The following DAOA variants were observed in gnomAD, a reference collection of about 807,000 sequenced individuals.
DAOA encodes D-amino acid oxidase activator.
In DAOA, 15 loss-of-function variants were observed where a neutral mutation model predicts 16.4. That is an observed-to-expected ratio of 0.91 (90% CI 0.61 to 1.41). The LOEUF is 1.41. Ranked by LOEUF, DAOA falls within the 40% of genes most tolerant of loss-of-function variation. The probability of loss-of-function intolerance (pLI) is 0.00; values close to 1 mark genes in which losing one functional copy is unlikely to be tolerated. For synonymous variants in DAOA, 75 were observed against 59.1 expected (o/e 1.27, Z -1.23); for missense variants, 230 against 176.8 (o/e 1.30, Z -1.71).
intron 3 of DAOA, among the ~76,000 whole-genome samples, chr13:105,471,758 A>G (rs1242142729): frequency 1.8e-4 from 1 of 5,504 alleles, no homozygotes; most frequent in East Asian, 0.5. Context: ...TTTTCACTGG[A>G]CACTCCTTTG....
chr13:105,476,178 T>C (rs1222453154), intron 4 of DAOA, among the ~76,000 whole-genome samples: 1 of 152,052 alleles, frequency 6.6e-6, no homozygotes, highest in East Asian at 1.9e-4. Context: ...GGAAAACCAA[T>C]GAGAGAAGAA....
intron 3 of DAOA, among the ~76,000 whole-genome samples, chr13:105,469,972 G>C (rs1298378447): frequency 6.6e-6 from 1 of 151,846 alleles, no homozygotes; most frequent in East Asian, 1.9e-4. Context: ...TTATTTCTTG[G>C]ATGATTTCTT....
At chr13:105,475,176 C>A (rs1877246616) in intron 4 of DAOA, 1 of 349,318 alleles carries the variant, frequency 2.9e-6, no homozygotes, top group Non-Finnish European at 4.0e-6. Context: ...TTAAACCACA[C>A]TCTCATTTAA....
rs1041377976 is a variant in DAOA, at chr13:105,491,032, A to G, written c.*232A>G. On this transcript the variant is annotated 3_prime_UTR_variant, in exon 6 of 6. Coordinates refer to ENST00000375936, the MANE Select transcript of DAOA (RefSeq NM_172370.5). ...TTTATTAAATGTGCTTCAAGTTTTA[A>G]CAACTGACTTTTGTTAGTGATATGA... The G allele has an allele frequency of 2.0e-5, 3 of 152,080 alleles. No homozygotes were observed. Among genetic ancestry groups the G allele is most frequent in the Admixed American group, 2.0e-4 (3 of 15,250 alleles). 9.4% of individuals were successfully genotyped at this position (152,080 alleles called of 1,614,324 possible). A position where few individuals can be genotyped will look rare whatever the true frequency, so the allele number is the denominator to read the frequency against.
In DAOA at chr13:105,471,015, C is replaced by T. The variant is rs181966193; in HGVS notation, c.134-1523C>T. 4.1e-3 allele frequency among the ~76,000 whole-genome samples: 627 copies of T among 152,228 alleles called. 6 individuals are homozygous for T. The highest frequency in any genetic ancestry group is 6.2e-3 in the Non-Finnish European group (425 of 68,006). On this transcript the variant is annotated intron_variant, in intron 3 of 5. Transcript: ENST00000375936. ...GTGTTAGCCATGATGGTCTTGATCT[C>T]CTGACCTTGTGATCCGCCCGCCTCG...
intron 4 of DAOA, among the ~76,000 whole-genome samples, chr13:105,483,029 T>C (rs1258624344): frequency 6.6e-6 from 1 of 152,152 alleles, no homozygotes; most frequent in African/African-American, 2.4e-5. Context: ...CTCTCCTCTT[T>C]TCTTTATCTA....
chr13:105,489,813 G>A (rs1223244208), intron 4 of DAOA, 88 bp from the exon 5 acceptor site: 1 of 1,612,318 alleles, frequency 6.2e-7, no homozygotes, highest in African/African-American at 1.3e-5. Flanking sequence ...TCTAACCAAT[G>A]GAACATGGGA....
At chr13:105,478,110 G>C (rs1877468139) in intron 4 of DAOA, among the ~76,000 whole-genome samples, 1 of 152,146 alleles carries the variant, frequency 6.6e-6, no homozygotes, top group Non-Finnish European at 1.5e-5. Context: ...ATTATTTTAA[G>C]CCAAAGCAGC....
At chr13:105,486,616 TC>T (rs1263878721) in intron 4 of DAOA, among the ~76,000 whole-genome samples, 3 of 129,026 alleles carry the variant, frequency 2.3e-5, no homozygotes, top group Non-Finnish European at 3.5e-5. Flanking sequence ...TTTCTTTCTT[TC>T]TTTCTTTTTT....
rs557089474 is a variant in DAOA, at chr13:105,466,875, C to T, written c.45-178C>T. On this transcript the variant is annotated intron_variant, in intron 2 of 5. Coordinates refer to ENST00000375936, the MANE Select transcript of DAOA (RefSeq NM_172370.5). ...ATTTATAAAAAAAAAATGCAAACCT[C>T]AATATCTTCATCTATAAAAATAAAA... 5.1e-4 allele frequency: 429 copies of T among 842,432 alleles called. 2 individuals are homozygous for T. The highest frequency in any genetic ancestry group is 5.0e-3 in the African/African-American group (290 of 57,648). 52.2% of individuals were successfully genotyped at this position (842,432 alleles called of 1,614,324 possible).
intron 4 of DAOA, 69 bp from the exon 5 acceptor site, chr13:105,489,832 G>A (rs1878384775): frequency 2.5e-6 from 4 of 1,613,320 alleles, no homozygotes; most frequent in African/African-American, 1.3e-5. Flanking sequence ...GAAAGGTGAT[G>A]ACACTTGACT....
intron 4 of DAOA, 46 bp downstream of exon 4, chr13:105,472,731 A>G (rs1474778704): frequency 1.3e-6 from 2 of 1,555,528 alleles, no homozygotes; most frequent in African/African-American, 2.7e-5. Context: ...AGAAAGCTAA[A>G]TGCTAATGTT....
At chr13:105,483,659 G>A (rs1877905828) in intron 4 of DAOA, among the ~76,000 whole-genome samples, 1 of 151,634 alleles carries the variant, frequency 6.6e-6, no homozygotes, top group Non-Finnish European at 1.5e-5. Flanking sequence ...TTTTTCAGTG[G>A]TCTGCTAAAG....
chr13:105,472,393 G>C, intron 3 of DAOA, 145 bp from the exon 4 acceptor site: 3 of 1,101,138 alleles, frequency 2.7e-6, no homozygotes, highest in Non-Finnish European at 3.7e-6. Flanking sequence ...GTCTCTGAGG[G>C]AATTTTGTCT....
At chr13:105,480,207 G>A (rs2139190368) in intron 4 of DAOA, among the ~76,000 whole-genome samples, 1 of 152,140 alleles carries the variant, frequency 6.6e-6, no homozygotes, top group East Asian at 1.9e-4. Context: ...TTTCTTCTAA[G>A]TAAAAACTGA....
At chr13:105,470,116 AT>A (rs33937275) in intron 3 of DAOA, among the ~76,000 whole-genome samples, 178 of 142,164 alleles carry the variant, frequency 1.3e-3, no homozygotes, top group East Asian at 2.7e-3. Context: ...GCTCATTGGA[AT>A]TTTTTTTTTT....
chr13:105,488,916 T>C (rs1279510679), intron 4 of DAOA, among the ~76,000 whole-genome samples: 1 of 152,186 alleles, frequency 6.6e-6, no homozygotes, highest in Non-Finnish European at 1.5e-5. Flanking sequence ...TTGAAAGCCA[T>C]CAAGATTAAT....
At position 105,467,150 on chromosome 13, in the gene DAOA, C is replaced by G; in HGVS notation, c.133+9C>G. The G allele has an allele frequency of 6.3e-7, 1 of 1,590,924 alleles. No homozygotes were observed. The highest frequency in any genetic ancestry group is 8.6e-7 in the Non-Finnish European group (1 of 1,168,608). ...CTCTCTAAACTCTATTGGTATGTTA[C>G]TCTTTATCTTTATATGAATTTAAAT... On this transcript the variant is annotated intron_variant, in intron 3 of 5. Transcript: ENST00000375936.
chr13:105,472,740 T>C (rs1452399430), intron 4 of DAOA, 55 bp downstream of exon 4: 5 of 1,527,662 alleles, frequency 3.3e-6, no homozygotes, highest in Non-Finnish European at 3.5e-6. Flanking sequence ...AATGCTAATG[T>C]TGGAACTTAC....
Sources: allele counts gnomAD v4.1 joint callset (sites outside exome capture counted in the v4.1 genomes callset), GRCh38; gene constraint gnomAD v4.1.1; transcripts MANE v1.5; gene names NCBI Gene and HGNC (gene_info 2026-07-23, HGNC 2026-07-21).